Variants in COL5A2 observed in about 807,000 individuals in gnomAD.
The protein encoded by COL5A2 is collagen alpha-2(V) chain.
In COL5A2, 23 loss-of-function variants were observed where a neutral mutation model predicts 208.2. The ratio of observed to expected loss-of-function variants is 0.11; its 90% CI spans 0.08 to 0.16. The LOEUF is 0.16. COL5A2 is among the 10% of genes least tolerant of loss of function. The pLI is 1.00. For synonymous variants in COL5A2, 625 were observed against 628.5 expected (o/e 0.99, Z 0.08); for missense variants, 1,590 against 1,956.4 (o/e 0.81, Z 3.53).
intron 8 of COL5A2, 26 bp from the exon 9 acceptor site, chr2:189,086,796 T>A: frequency 6.4e-7 from 1 of 1,561,328 alleles, no homozygotes; most frequent in Non-Finnish European, 8.7e-7. Flanking sequence ...GGAGAAACGT[T>A]GCAAAGTACT....
At chr2:189,118,367 A>G (rs1288926456) in intron 1 of COL5A2, among the ~76,000 whole-genome samples, 3 of 152,056 alleles carry the variant, frequency 2.0e-5, no homozygotes, top group Non-Finnish European at 4.4e-5. Flanking sequence ...TTTAGAATCA[A>G]TTTAACTCTG....
At chr2:189,176,039 G>C (rs1178664117) in intron 1 of COL5A2, among the ~76,000 whole-genome samples, 2 of 152,086 alleles carry the variant, frequency 1.3e-5, no homozygotes, top group African/African-American at 4.8e-5. Context: ...CCTTTAAAAT[G>C]ATGTCATCCA....
intron 51 of COL5A2, 43 bp from the exon 52 acceptor site, chr2:189,036,846 A>C: frequency 2.7e-4 from 371 of 1,354,298 alleles, no homozygotes; most frequent in Non-Finnish European, 3.6e-4. Flanking sequence ...AGACAATCTC[A>C]ATCATGACTA....
At chr2:189,143,267 G>C (rs916484238) in intron 1 of COL5A2, among the ~76,000 whole-genome samples, 1 of 152,176 alleles carries the variant, frequency 6.6e-6, no homozygotes, top group African/African-American at 2.4e-5. Flanking sequence ...GCTTGGGGCT[G>C]TATCTACTGG....
At chr2:189,100,929 T>C (rs186783435) in intron 3 of COL5A2, among the ~76,000 whole-genome samples, 4 of 152,158 alleles carry the variant, frequency 2.6e-5, no homozygotes. Context: ...ATCAGGTACA[T>C]AGATTAAATA....
chr2:189,422,848 C>G, the COL5A2 span, among the ~76,000 whole-genome samples: 1 of 151,920 alleles, frequency 6.6e-6, no homozygotes, highest in South Asian at 2.1e-4. Flanking sequence ...CATGGTGAAA[C>G]CCCGTCTCTA....
chr2:189,411,188 A>G, the COL5A2 span, among the ~76,000 whole-genome samples: 1 of 152,130 alleles, frequency 6.6e-6, no homozygotes, highest in East Asian at 1.9e-4. Flanking sequence ...CCCAACTCCA[A>G]TATCACCTTC....
At chr2:189,218,713 A>G (rs939787501) in intron 1 of COL5A2, among the ~76,000 whole-genome samples, 3 of 152,216 alleles carry the variant, frequency 2.0e-5, no homozygotes, top group Non-Finnish European at 4.4e-5. Flanking sequence ...GAGTGTGTGG[A>G]AAATTCTTCC....
At chr2:189,377,906 A>C in the COL5A2 span, among the ~76,000 whole-genome samples, 1 of 152,196 alleles carries the variant, frequency 6.6e-6, no homozygotes, top group African/African-American at 2.4e-5. Context: ...ATGAACTGGA[A>C]TGTTCTGAGG....
chr2:189,149,739 T>G (rs1282196134), intron 1 of COL5A2, among the ~76,000 whole-genome samples: 1 of 152,208 alleles, frequency 6.6e-6, no homozygotes, highest in African/African-American at 2.4e-5. Flanking sequence ...TGCATTTTCC[T>G]AAGTGTTTAG....
At chr2:189,120,231 A>T (rs1165813914) in intron 1 of COL5A2, among the ~76,000 whole-genome samples, 3 of 152,110 alleles carry the variant, frequency 2.0e-5, no homozygotes, top group Non-Finnish European at 4.4e-5. Context: ...AAGATAATGA[A>T]TTTTTTGTAG....
At chr2:189,363,416 T>C in the COL5A2 span, among the ~76,000 whole-genome samples, 8 of 152,160 alleles carry the variant, frequency 5.3e-5, no homozygotes, top group Admixed American at 5.2e-4. Context: ...GTAATTAAAA[T>C]TATCATATGT....
the COL5A2 span, among the ~76,000 whole-genome samples, chr2:189,366,859 T>G: frequency 6.6e-6 from 1 of 152,184 alleles, no homozygotes; most frequent in East Asian, 1.9e-4. Flanking sequence ...TCTTCCCAAT[T>G]ATATCATTGT....
At chr2:189,168,363 G>A (rs1244186508) in intron 1 of COL5A2, among the ~76,000 whole-genome samples, 3 of 151,388 alleles carry the variant, frequency 2.0e-5, no homozygotes, top group Non-Finnish European at 2.9e-5. Flanking sequence ...TATGTTTGTA[G>A]CCAAAGATCA....
chr2:189,291,165 A>C, the COL5A2 span, among the ~76,000 whole-genome samples: 1 of 152,258 alleles, frequency 6.6e-6, no homozygotes, highest in South Asian at 2.1e-4. Context: ...TTGATTCCAT[A>C]AATCTCAATA....
In COL5A2 at chr2:189,221,267, G is replaced by A. The variant is rs1384718628; in HGVS notation, c.-42+3881C>T. Among the ~76,000 whole-genome samples, 4 of 152,132 alleles carry A rather than the reference G, an allele frequency of 2.6e-5. No homozygotes were observed. The South Asian group carries it at 6.2e-4, about 24-fold the overall frequency. On this transcript the variant is annotated intron_variant, in intron 1 of 10. Coordinates refer to the COL5A2 transcript ENST00000649966. Reference sequence around the variant, plus strand: ...AGTTTGAAGTTCAGCTTTTGTTCATGGATGATTACATCTACTCAGAATCAT... The same window carrying A: ...AGTTTGAAGTTCAGCTTTTGTTCATAGATGATTACATCTACTCAGAATCAT...
chr2:189,048,590 A>G (rs1320177860), intron 44 of COL5A2, among the ~76,000 whole-genome samples: 1 of 152,214 alleles, frequency 6.6e-6, no homozygotes, highest in African/African-American at 2.4e-5. Context: ...GGCTTTTCTT[A>G]CATTTACTTC....
the COL5A2 span, among the ~76,000 whole-genome samples, chr2:189,362,186 T>C: frequency 2.0e-5 from 3 of 152,226 alleles, no homozygotes; most frequent in African/African-American, 7.2e-5. Context: ...AATTTTACCA[T>C]CTTGAATCTT....
chr2:189,427,494 C>A, the COL5A2 span, among the ~76,000 whole-genome samples: 2 of 152,184 alleles, frequency 1.3e-5, no homozygotes, highest in African/African-American at 4.8e-5. Context: ...CCCAATGGGG[C>A]ACTGCCTAGT....
Sources: allele counts gnomAD v4.1 joint callset (sites outside exome capture counted in the v4.1 genomes callset), GRCh38; gene constraint gnomAD v4.1.1; transcripts MANE v1.5; gene names NCBI Gene and HGNC (gene_info 2026-07-23, HGNC 2026-07-21).